The following RIPOR2 variants were observed in gnomAD, a reference collection of about 807,000 sequenced individuals.
RIPOR2 encodes the protein rho family-interacting cell polarization regulator 2.
RIPOR2 carries 39 observed loss-of-function variants against 114.5 expected under a neutral mutation model. The ratio of observed to expected loss-of-function variants is 0.34; its 90% confidence interval spans 0.26 to 0.44. The LOEUF (loss-of-function observed/expected upper bound fraction) is 0.44. Ranked by LOEUF, RIPOR2 falls within the 20% of genes least tolerant of loss-of-function variation. The pLI, the probability that RIPOR2 is intolerant of heterozygous loss-of-function variation, is 1.00. For synonymous variants in RIPOR2, 445 were observed against 484.4 expected, an observed-to-expected ratio of 0.92 and a Z score of 1.07; for missense variants, 1,007 against 1,255.1, an observed-to-expected ratio of 0.80 and a Z score of 2.99.
At chr6:24,903,277 G>A (rs561157192) in intron 1 of RIPOR2, among the ~76,000 whole-genome samples, 2 of 152,312 alleles carry the variant, frequency 1.3e-5, no homozygotes, top group Admixed American at 6.5e-5. Context: ...GGTAGAAGTT[G>A]AATGATCTTT....
chr6:24,905,201 A>T (rs1373126087), intron 1 of RIPOR2, among the ~76,000 whole-genome samples: 1 of 152,168 alleles, frequency 6.6e-6, no homozygotes, highest in Non-Finnish European at 1.5e-5. Context: ...CTTAGAGAGC[A>T]TTTGGTTGGC....
At chr6:24,990,204 A>G (rs1774741069) in intron 1 of RIPOR2, among the ~76,000 whole-genome samples, 1 of 152,224 alleles carries the variant, frequency 6.6e-6, no homozygotes, top group Non-Finnish European at 1.5e-5. Flanking sequence ...ATATTGTAAC[A>G]TGTGCTTTTA....
At chr6:24,914,978 C>T (rs1769956645) in intron 1 of RIPOR2, among the ~76,000 whole-genome samples, 1 of 152,120 alleles carries the variant, frequency 6.6e-6, no homozygotes, top group South Asian at 2.1e-4. Context: ...TTCTGCATTC[C>T]CTGCAGAAAT....
At chr6:24,969,739 A>G (rs1297304650) in intron 1 of RIPOR2, among the ~76,000 whole-genome samples, 3 of 152,068 alleles carry the variant, frequency 2.0e-5, no homozygotes, top group African/African-American at 4.8e-5. Context: ...GGGGCCAGCC[A>G]TACAGCCACT....
intron 1 of RIPOR2, among the ~76,000 whole-genome samples, chr6:25,012,520 T>G (rs1295181943): frequency 1.3e-5 from 2 of 152,232 alleles, no homozygotes; most frequent in African/African-American, 4.8e-5. Flanking sequence ...GGTTTATCCA[T>G]ACAATGGAAT....
In RIPOR2 at chr6:24,843,515, C is replaced by T. The variant is rs372820614; in HGVS notation, c.1204G>A (p.Ala402Thr). Residue 402 changes from alanine (A) to threonine (T), a missense_variant, in exon 13 of 22, where the codon GCC (alanine) becomes ACC (threonine). By Grantham distance (58) the Ala-to-Thr change is moderately conservative. Coordinates refer to ENST00000643898, the MANE Select transcript of RIPOR2 (RefSeq NM_001286445.3). ...AGCGACAGTGGCATTTTCTCCTCGGCTGCCTTTCCATTTTCAAAGATGTCA... is the reference window on the plus strand; with the variant it reads ...AGCGACAGTGGCATTTTCTCCTCGGTTGCCTTTCCATTTTCAAAGATGTCA... ...PDDIFENGKA[A>T]EEKMPLSLSF... The T allele has an allele frequency of 3.1e-4, 476 of 1,535,484 alleles. No homozygotes were observed. The highest frequency in any genetic ancestry group is 3.9e-4 in the Non-Finnish European group (447 of 1,140,206).
At chr6:24,874,730 T>A (rs1765551366) in intron 2 of RIPOR2, among the ~76,000 whole-genome samples, 1 of 152,186 alleles carries the variant, frequency 6.6e-6, no homozygotes, top group African/African-American at 2.4e-5. Flanking sequence ...GGTACAAGTG[T>A]CTATGAAATT....
intron 1 of RIPOR2, among the ~76,000 whole-genome samples, chr6:25,041,064 A>T (rs1408927940): frequency 6.6e-6 from 1 of 152,156 alleles, no homozygotes; most frequent in Non-Finnish European, 1.5e-5. Flanking sequence ...GTCAGTTGTC[A>T]TTTATCATCA....
chr6:25,005,745 T>C (rs1266239322), intron 1 of RIPOR2, among the ~76,000 whole-genome samples: 2 of 51,770 alleles, frequency 3.9e-5, no homozygotes, highest in Admixed American at 2.3e-4. Context: ...ATATATACAT[T>C]TACCGATCAA....
intron 1 of RIPOR2, among the ~76,000 whole-genome samples, chr6:25,040,765 G>A (rs936287467): frequency 6.6e-6 from 1 of 151,918 alleles, no homozygotes; most frequent in Non-Finnish European, 1.5e-5. Context: ...GCTAATTTTT[G>A]TATTTTTAGT....
At chr6:24,808,424 T>C (rs767898611) in intron 21 of RIPOR2, among the ~76,000 whole-genome samples, 12 of 152,236 alleles carry the variant, frequency 7.9e-5, no homozygotes, top group Non-Finnish European at 1.6e-4. Context: ...TTTCTATGCC[T>C]AATACAACCA....
At chr6:24,916,086 C>T (rs1462614403) in intron 1 of RIPOR2, among the ~76,000 whole-genome samples, 1 of 152,228 alleles carries the variant, frequency 6.6e-6, no homozygotes, top group Non-Finnish European at 1.5e-5. Context: ...AGGGTTTGGA[C>T]AACCTGATCA....
intron 11 of RIPOR2, among the ~76,000 whole-genome samples, chr6:24,848,737 G>A (rs1004808722): frequency 2.0e-5 from 3 of 152,176 alleles, no homozygotes; most frequent in African/African-American, 7.2e-5. Context: ...ATTGTGGGGA[G>A]GGAAGGGCTG....
At chr6:24,880,033 T>C (rs1407628442) in intron 1 of RIPOR2, among the ~76,000 whole-genome samples, 1 of 152,206 alleles carries the variant, frequency 6.6e-6, no homozygotes, top group East Asian at 1.9e-4. Context: ...GTATTACTGC[T>C]GGTAGGGATG....
intron 1 of RIPOR2, among the ~76,000 whole-genome samples, chr6:24,970,937 T>C (rs1773764187): frequency 1.3e-5 from 2 of 152,038 alleles, no homozygotes; most frequent in Admixed American, 1.3e-4. Context: ...CATCTGAAAG[T>C]GGGGATGACA....
intron 1 of RIPOR2, among the ~76,000 whole-genome samples, chr6:24,887,118 A>T (rs1766907842): frequency 6.6e-6 from 1 of 152,248 alleles, no homozygotes; most frequent in African/African-American, 2.4e-5. Flanking sequence ...TCTGAGCAGC[A>T]CAGCCAGAGG....
chr6:24,808,307 C>T (rs1013258543), intron 21 of RIPOR2, among the ~76,000 whole-genome samples: 1 of 152,180 alleles, frequency 6.6e-6, no homozygotes, highest in African/African-American at 2.4e-5. Context: ...GCTTCGTTGG[C>T]TATGCTTTAT....
intron 1 of RIPOR2, among the ~76,000 whole-genome samples, chr6:24,892,734 A>T (rs1483700957): frequency 6.6e-6 from 1 of 152,178 alleles, no homozygotes; most frequent in Non-Finnish European, 1.5e-5. Context: ...CTGATTAATG[A>T]ATTTATTCGT....
In RIPOR2 at chr6:25,017,674, C is replaced by T. The variant is rs1776081946; in HGVS notation, c.76+24177G>A. On this transcript the variant is annotated intron_variant, in intron 1 of 13. Transcript: ENST00000510784. Reference sequence around the variant, plus strand: ...TCAGGAGTAACCAAGTGGTAAACGCCCAGAGGGCCAGGTTGTGATTCACTG... The same window carrying T: ...TCAGGAGTAACCAAGTGGTAAACGCTCAGAGGGCCAGGTTGTGATTCACTG... Among the ~76,000 whole-genome samples, 3 of 152,162 alleles carry T rather than the reference C, an allele frequency of 2.0e-5. No homozygotes were observed. The South Asian group carries it at 6.2e-4, about 32-fold the overall frequency.
Sources: allele counts gnomAD v4.1 joint callset (sites outside exome capture counted in the v4.1 genomes callset), GRCh38; gene constraint gnomAD v4.1.1; transcripts MANE v1.5; gene names NCBI Gene and HGNC (gene_info 2026-07-23, HGNC 2026-07-21).